The following NRBP2 variants were observed in gnomAD, a reference collection of about 807,000 sequenced individuals.
NRBP2 encodes nuclear receptor binding protein 2.
NRBP2 carries 47 observed loss-of-function variants against 74.4 expected under a neutral mutation model. The observed-to-expected ratio is 0.63, with a 90% CI of 0.50 to 0.81. The LOEUF (loss-of-function observed/expected upper bound fraction) is 0.81. NRBP2 is among the 30% of genes least tolerant of loss of function. NRBP2 has a pLI of 0.00. For synonymous variants in NRBP2, 312 were observed against 273.8 expected, an observed-to-expected ratio of 1.14 and a Z score of -1.38; for missense variants, 613 against 690.1, an observed-to-expected ratio of 0.89 and a Z score of 1.25.
rs1818253258 is a variant in NRBP2 at position 143,833,890 on chromosome 8, A to G, written c.*1772T>C. 1 of 152,178 alleles carries G rather than the reference A, an allele frequency of 6.6e-6. No individual in the cohort carries two copies. Among genetic ancestry groups the G allele is most frequent in the Non-Finnish European group, 1.5e-5 (1 of 68,036 alleles). 9.4% of individuals were successfully genotyped at this position (152,178 alleles called of 1,614,324 possible). On this transcript the variant is annotated 3_prime_UTR_variant, in exon 18 of 18. Coordinates refer to ENST00000442628, the MANE Select transcript of NRBP2 (RefSeq NM_178564.4). The stretch of plus-strand genomic sequence containing the variant: ...CTTTAGATTGCTAATTTTGAGTTGG[A>G]AGGCGTGAGAATTTGAATAATTTTG...
rs1554652175 is a variant in NRBP2 at position 143,837,424 on chromosome 8, C to A, written c.1059G>T (p.Arg353Ser). ...CTGCTCACCGCCACTGCAGCGGGGG[C>A]CTGCGGGGCCGGGGAAGCTCCGCCA... is the stretch of plus-strand genomic sequence containing the variant. ...AVLAELPRPR[R>S]PPLQWRYSEV... is the part of the protein sequence containing the mutation. The change falls in exon 12 of 18, where the codon AGG becomes AGT. Residue 353 changes from arginine to serine, a missense_variant. Arg to Ser is a moderately radical substitution (Grantham distance 110). Coordinates refer to ENST00000442628, the MANE Select transcript of NRBP2 (RefSeq NM_178564.4). The surrounding 1 kb of genome is among the most constrained non-coding windows in gnomAD (Gnocchi z 4.3). 2 of 1,603,996 alleles carry A rather than the reference C, an allele frequency of 1.2e-6. No individual in the cohort carries two copies. Among genetic ancestry groups the A allele is most frequent in the Non-Finnish European group, 8.5e-7 (1 of 1,176,730 alleles).
intron 14 of NRBP2, 40 bp downstream of exon 14, chr8:143,836,999 G>A: frequency 6.3e-7 from 1 of 1,591,896 alleles, no homozygotes; most frequent in South Asian, 1.1e-5. Context: ...CTGTTAGAAG[G>A]TCTGAGGGAT....
rs1554650734 is a variant in NRBP2 at position 143,833,692 on chromosome 8, T to TTC, written c.*1969_*1970insGA. ...ATATATAATTCTGAAAAGATAAAATTTAAAAGGAAAAATTCAACAGAGACA... is the reference window on the plus strand; with the variant it reads ...ATATATAATTCTGAAAAGATAAAATTTCTAAAAGGAAAAATTCAACAGAGACA... On this transcript the variant is annotated 3_prime_UTR_variant, in exon 18 of 18. Transcript: ENST00000442628. 1.3e-5 allele frequency: 2 copies of TTC among 152,300 alleles called. No homozygotes were observed. The highest frequency in any genetic ancestry group is 3.9e-4 in the East Asian group (2 of 5,192). The allele number at this position is 152,300 out of a possible 1,614,324, so 9.4% of individuals were successfully genotyped here.
chr8:143,837,032 G>A lies in NRBP2; in HGVS notation c.1263+7C>T, dbSNP rs782516146. 6.8e-6 allele frequency: 11 copies of A among 1,608,068 alleles called. 1 individual carries two copies. In the South Asian group the frequency reaches 7.7e-5, roughly 11 times the overall value. ...GATGGCACTGAGCAGCAGGAGAGGG[G>A]ACTCACCTTTCTGGTCTCAGAGTCA... On this transcript the variant is annotated splice_region_variant and intron_variant, in intron 14 of 17. Coordinates refer to ENST00000442628, the MANE Select transcript of NRBP2 (RefSeq NM_178564.4). The surrounding 1 kb of genome is among the most constrained non-coding windows in gnomAD (Gnocchi z 4.3).
In NRBP2 at chr8:143,838,781, G is replaced by A. The variant is rs1310010231; in HGVS notation, c.745-6C>T. ...TGGATTTCCAGTACAGCCATCTGGG[G>A]CACAGAGCCAGGTCAGGCATGGGGA... On this transcript the variant is annotated splice_polypyrimidine_tract_variant and splice_region_variant and intron_variant, in intron 9 of 17. Transcript: ENST00000442628. 4.3e-6 allele frequency: 7 copies of A among 1,612,228 alleles called. No individual in the cohort carries two copies. The highest frequency in any genetic ancestry group is 5.1e-6 in the Non-Finnish European group (6 of 1,179,062).
chr8:143,836,030 G>C lies in NRBP2; in HGVS notation c.1318C>G (p.Leu440Val). ...ERSEDKARWH[L>V]TLLLVLEDRL... ...TCTTCCAGCACCAGAAGCAGAGTGA[G>C]CTGGGGAGGCGGCGGGGCGTGGTCG... The change falls in exon 16 of 18, where the codon CTC becomes GTC. Residue 440 changes from leucine (L) to valine (V), a missense_variant and splice_region_variant. Physicochemically the swap from Leu to Val is conservative, Grantham distance 32 (BLOSUM62 1). Transcript: ENST00000442628. 1 of 1,569,672 alleles carries C rather than the reference G, an allele frequency of 6.4e-7. No homozygotes were observed. Among genetic ancestry groups the C allele is most frequent in the East Asian group, 2.3e-5 (1 of 43,854 alleles).
rs1554652412 is a variant in NRBP2 at position 143,837,934 on chromosome 8, A to G, written c.841-179T>C. On this transcript the variant is annotated intron_variant, in intron 10 of 17. Coordinates refer to ENST00000442628, the MANE Select transcript of NRBP2 (RefSeq NM_178564.4). This position sits in a 1 kb window ranked among gnomAD's most constrained non-coding sequence, Gnocchi z 4.3. ...AGCCAGGCCAGGACCTGGTCCTCTG[A>G]GCTTGAGGACAGCTGGGTTCTGGGA... 3.9e-6 allele frequency: 3 copies of G among 768,610 alleles called. No individual in the cohort carries two copies. Among genetic ancestry groups the G allele is most frequent in the South Asian group, 1.5e-5 (1 of 68,112 alleles). 47.6% of individuals were successfully genotyped at this position (768,610 alleles called of 1,614,324 possible). A position where few individuals can be genotyped will look rare whatever the true frequency, so the allele number is the denominator to read the frequency against.
downstream of NRBP2, among the ~76,000 whole-genome samples, chr8:143,831,477 T>G: frequency 6.6e-6 from 1 of 152,148 alleles, no homozygotes; most frequent in East Asian, 1.9e-4. Flanking sequence ...AAAAACCAGC[T>G]GGGCATGGTG....
At position 143,840,097 on chromosome 8, in the gene NRBP2, G is replaced by C. The variant is rs1554653326; in HGVS notation, c.252+10C>G. The C allele has an allele frequency of 6.5e-7, 1 of 1,536,170 alleles. No homozygotes were observed. Among genetic ancestry groups the C allele is most frequent in the East Asian group, 2.4e-5 (1 of 40,916 alleles). Reference sequence around the variant, plus strand: ...ACCCAAGCAGGATGAGGAGGGGGCAGCGGTCTCACCTCGTGCGCCGCGAAG... The same window carrying C: ...ACCCAAGCAGGATGAGGAGGGGGCACCGGTCTCACCTCGTGCGCCGCGAAG... On this transcript the variant is annotated intron_variant, in intron 2 of 17. Coordinates refer to ENST00000442628, the MANE Select transcript of NRBP2 (RefSeq NM_178564.4). This position sits in a 1 kb window ranked among gnomAD's most constrained non-coding sequence, Gnocchi z 5.7.
rs1434635286 is a variant in NRBP2, at chr8:143,834,167, T to C, written c.*1495A>G. The stretch of plus-strand genomic sequence containing the variant: ...AAAACCTTGAGGAGGGAGATTATCA[T>C]GTATTATCTGGCTGGGCCCAACCTA... On this transcript the variant is annotated 3_prime_UTR_variant, in exon 18 of 18. Coordinates refer to ENST00000442628, the MANE Select transcript of NRBP2 (RefSeq NM_178564.4). 2 of 152,206 alleles carry C rather than the reference T, an allele frequency of 1.3e-5. No homozygotes were observed. The highest frequency in any genetic ancestry group is 2.4e-5 in the African/African-American group (1 of 41,446). 9.4% of individuals were successfully genotyped at this position (152,206 alleles called of 1,614,324 possible).
Position 143,835,682 on chromosome 8 carries a change from A to G in NRBP2, c.1486T>C (p.Tyr496His). 6.3e-7 allele frequency: 1 copy of G among 1,597,498 alleles called. No individual in the cohort carries two copies. The highest frequency in any genetic ancestry group is 8.5e-7 in the Non-Finnish European group (1 of 1,173,708). ...CCGGGTCAGGCCTGGGTCCCACGGT[A>G]CTTGAGGAAGGTGCTCTCCAGGAAG... ...AAFLESTFLK[Y>H]RGTQA The change falls in exon 18 of 18, where the codon TAC becomes CAC. Residue 496 changes from tyrosine to histidine, a missense_variant. Transcript: ENST00000442628. This position sits in a 1 kb window ranked among gnomAD's most constrained non-coding sequence, Gnocchi z 4.9.
rs1818277342 is a variant in NRBP2 at position 143,834,528 on chromosome 8, T to A, written c.*1134A>T. 1 of 152,246 alleles carries A rather than the reference T, an allele frequency of 6.6e-6. No individual in the cohort carries two copies. Among genetic ancestry groups the A allele is most frequent in the African/African-American group, 2.4e-5 (1 of 41,464 alleles). The allele number at this position is 152,246 out of a possible 1,614,324, so 9.4% of individuals were successfully genotyped here. A position where few individuals can be genotyped will look rare whatever the true frequency, so the allele number is the denominator to read the frequency against. On this transcript the variant is annotated 3_prime_UTR_variant, in exon 18 of 18. Transcript: ENST00000442628. ...AGACTTCCAGCCTACAGAATTGCAA[T>A]AAATTTGTGTTAAGTCACTAAGTTT... is the stretch of plus-strand genomic sequence containing the variant.
In NRBP2 at chr8:143,840,689, C is replaced by T. The variant is rs1554653506; in HGVS notation, c.129+17G>A. The T allele has an allele frequency of 6.8e-7, 1 of 1,473,242 alleles. No individual in the cohort carries two copies. Among genetic ancestry groups the T allele is most frequent in the Non-Finnish European group, 9.0e-7 (1 of 1,113,712 alleles). The allele number at this position is 1,473,242 out of a possible 1,614,324, so 91.3% of individuals were successfully genotyped here. ...TGGGAGGGCGGTGTCACCCCGTGCCCCAACCCCCGCGCCCACCTGCTCCCG... is the reference window on the plus strand; with the variant it reads ...TGGGAGGGCGGTGTCACCCCGTGCCTCAACCCCCGCGCCCACCTGCTCCCG... On this transcript the variant is annotated intron_variant, in intron 1 of 17. Transcript: ENST00000442628. The surrounding 1 kb of genome is among the most constrained non-coding windows in gnomAD (Gnocchi z 5.7).
At position 143,837,793 on chromosome 8, in the gene NRBP2, G is replaced by A; in HGVS notation, c.841-38C>T. 6.4e-7 allele frequency: 1 copy of A among 1,552,042 alleles called. No individual in the cohort carries two copies. The highest frequency in any genetic ancestry group is 8.7e-7 in the Non-Finnish European group (1 of 1,147,570). On this transcript the variant is annotated intron_variant, in intron 10 of 17. Coordinates refer to ENST00000442628, the MANE Select transcript of NRBP2 (RefSeq NM_178564.4). This position sits in a 1 kb window ranked among gnomAD's most constrained non-coding sequence, Gnocchi z 4.3. ...GAGGAGAGGCTGGTGGTGTGCAAGG[G>A]CTCTCTGCTCTGGCCCCGCAGTTCG... is the stretch of plus-strand genomic sequence containing the variant.
In NRBP2 at chr8:143,839,983, CG is replaced by C; in HGVS notation, c.299del (p.Pro100ArgfsTer4). Reference protein sequence around the residue: ...VFEQLVLVDHPNIVKLHKYWL... With the variant: ...VFEQLVLVDHXNIVKLHKYWL... ...AGTACTTGTGCAACTTCACGATGTT[CG>C]GGTGGTCCACCAGCACCAGCTGCTC... On this transcript the variant is annotated frameshift_variant, in exon 3 of 18. Transcript: ENST00000442628. LOFTEE classifies it high-confidence loss of function. The surrounding 1 kb of genome is among the most constrained non-coding windows in gnomAD (Gnocchi z 5.1). The C allele has an allele frequency of 6.5e-7, 1 of 1,536,164 alleles. No homozygotes were observed. The highest frequency in any genetic ancestry group is 8.7e-7 in the Non-Finnish European group (1 of 1,146,898).
rs1554652876 is a variant in NRBP2 at position 143,839,200 on chromosome 8, C to CA, written c.581-6dup. 19 of 1,531,002 alleles carry CA rather than the reference C, an allele frequency of 1.2e-5. No individual in the cohort carries two copies. The highest frequency in any genetic ancestry group is 1.5e-5 in the Non-Finnish European group (17 of 1,143,368). 94.8% of individuals were successfully genotyped at this position (1,531,002 alleles called of 1,614,324 possible). ...TGGAGAAGATTCGGTGCCACACTGC[C>CA]AAGGGGCGGGAGAAAGAGTGGAGTT... On this transcript the variant is annotated splice_region_variant and splice_polypyrimidine_tract_variant and intron_variant, in intron 6 of 17. Coordinates refer to ENST00000442628, the MANE Select transcript of NRBP2 (RefSeq NM_178564.4). This position sits in a 1 kb window ranked among gnomAD's most constrained non-coding sequence, Gnocchi z 5.1.
Position 143,837,208 on chromosome 8 carries a change from CCTGACAG to C in NRBP2, c.1127+34_1128-35del. On this transcript the variant is annotated intron_variant, in intron 13 of 17. Transcript: ENST00000442628. The surrounding 1 kb of genome is among the most constrained non-coding windows in gnomAD (Gnocchi z 4.3). ...ACAACAGGGTGGCTGGGGGTTCAGG[CCTGACAG>C]CTGCCTGGCCCCCAACCTTACATCA... The C allele has an allele frequency of 6.2e-7, 1 of 1,613,858 alleles. No individual in the cohort carries two copies. Among genetic ancestry groups the C allele is most frequent in the Non-Finnish European group, 8.5e-7 (1 of 1,179,966 alleles).
chr8:143,837,039 CT>C lies in NRBP2; in HGVS notation c.1262del (p.Lys421ArgfsTer34). 6.2e-7 allele frequency: 1 copy of C among 1,608,898 alleles called. No homozygotes were observed. Among genetic ancestry groups the C allele is most frequent in the South Asian group, 1.1e-5 (1 of 90,592 alleles). ...CTGAGCAGCAGGAGAGGGGACTCAC[CT>C]TTCTGGTCTCAGAGTCAAAGGGCTC... Reference protein sequence around the residue: ...TPEPFDSETRKVIQMQCNLER... With the variant: ...TPEPFDSETRXVIQMQCNLER... On this transcript the variant is annotated frameshift_variant and splice_region_variant, in exon 14 of 18. Transcript: ENST00000442628. LOFTEE classifies it high-confidence loss of function. The surrounding 1 kb of genome is among the most constrained non-coding windows in gnomAD (Gnocchi z 4.3).
At chr8:143,838,156 C>T (rs1004755435) in intron 10 of NRBP2, 72 of 421,552 alleles carry the variant, frequency 1.7e-4, no homozygotes, top group Non-Finnish European at 1.2e-4. Flanking sequence ...CCACCAGCCC[C>T]GACCAGGCAC....
Sources: gnomAD v4.1 joint callset for allele counts (sites outside exome capture counted in the v4.1 genomes callset) on GRCh38, gnomAD v4.1.1 for gene constraint, Gnocchi (gnomAD v3.1) non-coding constraint, MANE v1.5 for transcripts, NCBI Gene and HGNC (gene_info 2026-07-23, HGNC 2026-07-21) for gene names.